SPMIP4: variants seen among roughly 807,000 people sequenced by gnomAD.
SPMIP4 encodes sperm microtubule inner protein 4.
the SPMIP4 span, among the ~76,000 whole-genome samples, chr7:25,145,527 A>G: frequency 6.6e-6 from 1 of 152,136 alleles, no homozygotes; most frequent in Non-Finnish European, 1.5e-5. Flanking sequence ...GGTGGAAGTC[A>G]TTCACTCCAA....
chr7:25,144,192 G>A, the SPMIP4 span, among the ~76,000 whole-genome samples: 2 of 152,314 alleles, frequency 1.3e-5, no homozygotes, highest in South Asian at 4.2e-4. Flanking sequence ...AGTACAAATG[G>A]AAGTCTGTAT....
At chr7:25,167,749 C>G in the SPMIP4 span, among the ~76,000 whole-genome samples, 1 of 151,388 alleles carries the variant, frequency 6.6e-6, no homozygotes, top group Admixed American at 6.6e-5. Context: ...ATGATAGACT[C>G]TGCTCTGAGT....
the SPMIP4 span, among the ~76,000 whole-genome samples, chr7:25,157,710 A>C: frequency 3.5e-4 from 54 of 152,318 alleles, no homozygotes; most frequent in African/African-American, 1.3e-3. Flanking sequence ...AGCCAAGAGG[A>C]ACCTAAGGAG....
chr7:25,173,465 G>T, the SPMIP4 span, among the ~76,000 whole-genome samples: 605 of 152,300 alleles, frequency 4.0e-3, 8 homozygotes, highest in African/African-American at 0.014. The surrounding 1 kb of genome is among the most constrained non-coding windows in gnomAD (Gnocchi z 4.4). Context: ...TGAATAGTTG[G>T]ACAGAGACCG....
the SPMIP4 span, chr7:25,136,660 C>T: frequency 6.2e-7 from 1 of 1,614,110 alleles, no homozygotes; most frequent in Non-Finnish European, 8.5e-7. This position sits in a 1 kb window ranked among gnomAD's most constrained non-coding sequence, Gnocchi z 5.7. Flanking sequence ...ACACAAAACT[C>T]TAGGAGTACA....
chr7:25,130,957 C>T, the SPMIP4 span, among the ~76,000 whole-genome samples: 1 of 152,220 alleles, frequency 6.6e-6, no homozygotes, highest in Non-Finnish European at 1.5e-5. Flanking sequence ...TGGTTTGGAG[C>T]AGGGCCCTCA....
chr7:25,168,245 T>A, the SPMIP4 span: 8 of 1,541,280 alleles, frequency 5.2e-6, no homozygotes, highest in Admixed American at 1.9e-4. Flanking sequence ...TAAAGAAAAA[T>A]GGATAATAAA....
At chr7:25,143,583 CTTTTTTTTTTT>C in the SPMIP4 span, among the ~76,000 whole-genome samples, 1 of 110,692 alleles carries the variant, frequency 9.0e-6, no homozygotes, top group African/African-American at 3.5e-5. Flanking sequence ...AGTAAAGACA[CTTTTTTTTTTT>C]TTTTTTTTTT....
chr7:25,150,861 T>C, the SPMIP4 span, among the ~76,000 whole-genome samples: 1 of 152,234 alleles, frequency 6.6e-6, no homozygotes, highest in Non-Finnish European at 1.5e-5. Flanking sequence ...TGGTTAGATG[T>C]GTAGCAATTT....
At chr7:25,156,318 CT>C in the SPMIP4 span, among the ~76,000 whole-genome samples, 2 of 152,116 alleles carry the variant, frequency 1.3e-5, no homozygotes, top group South Asian at 2.1e-4. Context: ...AGGTCTTCAT[CT>C]CAGACTTCCG....
the SPMIP4 span, chr7:25,158,388 A>AT: frequency 1.4e-6 from 1 of 720,376 alleles, no homozygotes; most frequent in East Asian, 3.0e-5. Context: ...AAAAAAAAAA[A>AT]GAAACGTTTT....
chr7:25,173,368 A>G, the SPMIP4 span, among the ~76,000 whole-genome samples: 1 of 152,250 alleles, frequency 6.6e-6, no homozygotes. This position sits in a 1 kb window ranked among gnomAD's most constrained non-coding sequence, Gnocchi z 4.4. Flanking sequence ...TTTGTAAACA[A>G]AAGTCTATTG....
the SPMIP4 span, among the ~76,000 whole-genome samples, chr7:25,164,379 C>A: frequency 1.3e-5 from 2 of 152,116 alleles, no homozygotes; most frequent in African/African-American, 4.8e-5. Context: ...GGATATTACA[C>A]AATGATGGGG....
the SPMIP4 span, chr7:25,179,092 T>C: frequency 3.6e-6 from 5 of 1,374,520 alleles, no homozygotes; most frequent in Non-Finnish European, 4.9e-6. Context: ...CCCAGAACAA[T>C]AAATGTTTTT....
the SPMIP4 span, chr7:25,125,874 A>G: frequency 3.1e-6 from 3 of 981,196 alleles, no homozygotes; most frequent in Non-Finnish European, 3.6e-6. Context: ...AGTTCCACCT[A>G]TACTCTGTTA....
At chr7:25,174,674 T>C in the SPMIP4 span, among the ~76,000 whole-genome samples, 3 of 152,180 alleles carry the variant, frequency 2.0e-5, no homozygotes, top group Non-Finnish European at 2.9e-5. The surrounding 1 kb of genome is among the most constrained non-coding windows in gnomAD (Gnocchi z 4.5). Flanking sequence ...AATCCTATTA[T>C]ATAATGAAAT....
At chr7:25,141,561 ACT>A in the SPMIP4 span, among the ~76,000 whole-genome samples, 72,926 of 129,882 alleles carry the variant, frequency 0.56, 22,992 homozygotes, top group Non-Finnish European at 0.69. Flanking sequence ...ACAGAGTGAG[ACT>A]CTGTCTCAAG....
chr7:25,158,385 A>G, the SPMIP4 span: 9 of 761,228 alleles, frequency 1.2e-5, no homozygotes, highest in East Asian at 8.6e-5. Flanking sequence ...AAAAAAAAAA[A>G]AAAGAAACGT....
chr7:25,126,073 G>A, the SPMIP4 span: 205 of 306,878 alleles, frequency 6.7e-4, 2 homozygotes, highest in Middle Eastern at 0.023. Context: ...ATATACTTAA[G>A]AGGTACATGA....
Sources: gnomAD v4.1 joint callset for allele counts (sites outside exome capture counted in the v4.1 genomes callset) on GRCh38, gnomAD v4.1.1 for gene constraint, Gnocchi (gnomAD v3.1) non-coding constraint, MANE v1.5 for transcripts, NCBI Gene and HGNC (gene_info 2026-07-23, HGNC 2026-07-21) for gene names.